The following SSBP2 variants were observed in gnomAD, a reference collection of about 807,000 sequenced individuals.
The protein encoded by SSBP2 is single-stranded DNA-binding protein 2.
SSBP2 carries 17 observed loss-of-function variants against 61.8 expected under a neutral mutation model. The ratio of observed to expected loss-of-function variants is 0.28; its 90% CI spans 0.19 to 0.41. The LOEUF (loss-of-function observed/expected upper bound fraction) is 0.41. Ranked by LOEUF, SSBP2 falls within the 10% of genes least tolerant of loss-of-function variation. The probability of loss-of-function intolerance (pLI) is 1.00; values close to 1 mark genes in which losing one functional copy is unlikely to be tolerated. For synonymous variants in SSBP2, 139 were observed against 141.3 expected (o/e 0.98, Z 0.12); for missense variants, 310 against 458.7 (o/e 0.68, Z 2.96).
intron 4 of SSBP2, among the ~76,000 whole-genome samples, chr5:81,613,890 T>C (rs1421505247): frequency 1.3e-5 from 2 of 152,216 alleles, no homozygotes; most frequent in Non-Finnish European, 1.5e-5. Context: ...ATAAATCCCA[T>C]GTCCTGGGCC....
chr5:81,733,123 A>G (rs1756375613), intron 1 of SSBP2, among the ~76,000 whole-genome samples: 1 of 152,328 alleles, frequency 6.6e-6, no homozygotes, highest in Middle Eastern at 3.4e-3. Flanking sequence ...TCCTAGGGAA[A>G]ATAAATAGGC....
At position 81,643,965 on chromosome 5, in the gene SSBP2, T is replaced by C. The variant is rs188312902; in HGVS notation, c.135+6302A>G. Among the ~76,000 whole-genome samples, 147 of 152,284 alleles carry C rather than the reference T, an allele frequency of 9.7e-4. 1 individual carries two copies. The highest frequency in any genetic ancestry group is 8.8e-3 in the Admixed American group (134 of 15,284). ...TAGATGTTTAACAGGAAGAAAAAGCTGACTATACTTTGAAGCAGATCATCT... is the reference window on the plus strand; with the variant it reads ...TAGATGTTTAACAGGAAGAAAAAGCCGACTATACTTTGAAGCAGATCATCT... On this transcript the variant is annotated intron_variant, in intron 2 of 16. Transcript: ENST00000320672.
chr5:81,669,273 G>GCAATT (rs1441985515), intron 1 of SSBP2, among the ~76,000 whole-genome samples: 2 of 152,124 alleles, frequency 1.3e-5, no homozygotes, highest in Non-Finnish European at 1.5e-5. Flanking sequence ...AGACAGTTTG[G>GCAATT]CAATTTCTTA....
rs556980028 is a variant in SSBP2, at chr5:81,748,334, C to T, written c.62+2647G>A. Among the ~76,000 whole-genome samples the T allele has an allele frequency of 1.3e-5, 2 of 152,220 alleles. 1 individual carries two copies. The stretch of plus-strand genomic sequence containing the variant: ...AGGAGAATTCTTCACCTTTTATAAT[C>T]TGTTACCTTAAAAATTAAGAACAAA... On this transcript the variant is annotated intron_variant, in intron 1 of 16. Transcript: ENST00000320672.
At chr5:81,723,596 G>A (rs891145290) in intron 1 of SSBP2, among the ~76,000 whole-genome samples, 1 of 151,898 alleles carries the variant, frequency 6.6e-6, no homozygotes, top group Non-Finnish European at 1.5e-5. Context: ...GTTTTTTATT[G>A]AAACTATTAA....
intron 9 of SSBP2, among the ~76,000 whole-genome samples, chr5:81,462,169 A>AT (rs1764588372): frequency 6.6e-6 from 1 of 152,150 alleles, no homozygotes; most frequent in Non-Finnish European, 1.5e-5. Flanking sequence ...TGATGAGCTA[A>AT]TAAAAAAAAA....
At chr5:81,489,211 T>C in intron 6 of SSBP2, 39 bp downstream of exon 6, 2 of 1,514,556 alleles carry the variant, frequency 1.3e-6, no homozygotes, top group African/African-American at 1.4e-5. Flanking sequence ...TCAAGATCTT[T>C]GATTCTTACA....
chr5:81,481,411 C>T (rs1765976976), intron 6 of SSBP2, among the ~76,000 whole-genome samples: 1 of 151,916 alleles, frequency 6.6e-6, no homozygotes, highest in Admixed American at 6.6e-5. Flanking sequence ...CACCTGAGGT[C>T]AGGAGTTCGA....
chr5:81,735,816 A>G (rs1756562844), intron 1 of SSBP2, among the ~76,000 whole-genome samples: 1 of 152,206 alleles, frequency 6.6e-6, no homozygotes, highest in African/African-American at 2.4e-5. Context: ...ATTAGATAAA[A>G]TAGAACATCG....
intron 5 of SSBP2, among the ~76,000 whole-genome samples, chr5:81,489,912 G>A (rs898899881): frequency 3.9e-5 from 6 of 151,922 alleles, no homozygotes; most frequent in Admixed American, 2.0e-4. Flanking sequence ...CACCTACTCG[G>A]GAGGCTGAGG....
intron 1 of SSBP2, among the ~76,000 whole-genome samples, chr5:81,653,630 G>A (rs2153721684): frequency 6.6e-6 from 1 of 152,192 alleles, no homozygotes; most frequent in South Asian, 2.1e-4. Flanking sequence ...TCTTTTTAAT[G>A]ATCACCATTC....
intron 4 of SSBP2, among the ~76,000 whole-genome samples, chr5:81,523,752 A>C (rs1769686405): frequency 6.6e-6 from 1 of 152,048 alleles, no homozygotes. Context: ...CTCTAGGTGT[A>C]TATGTGAGCT....
chr5:81,584,630 C>T (rs1278437634), intron 4 of SSBP2, among the ~76,000 whole-genome samples: 1 of 151,942 alleles, frequency 6.6e-6, no homozygotes, highest in Admixed American at 6.6e-5. Context: ...AAAACCAAGC[C>T]CAGCACGGAT....
chr5:81,582,028 C>A (rs1392222222), intron 4 of SSBP2, among the ~76,000 whole-genome samples: 1 of 152,010 alleles, frequency 6.6e-6, no homozygotes, highest in Non-Finnish European at 1.5e-5. Context: ...TTTCAAAAGC[C>A]TTTTTAACAA....
At chr5:81,751,170 C>G (rs571100298), upstream of SSBP2, 33 of 957,910 alleles carry the variant, frequency 3.4e-5, no homozygotes, top group East Asian at 8.3e-4. Flanking sequence ...GCCAAAGCTC[C>G]GCCCCCTTCG....
intron 1 of SSBP2, among the ~76,000 whole-genome samples, chr5:81,671,555 T>G (rs916017188): frequency 1.3e-5 from 2 of 152,086 alleles, no homozygotes; most frequent in African/African-American, 4.8e-5. Context: ...CATCAAATGT[T>G]TGAAACAAAA....
intron 1 of SSBP2, among the ~76,000 whole-genome samples, chr5:81,673,820 T>C (rs1751766715): frequency 6.6e-6 from 1 of 152,192 alleles, no homozygotes; most frequent in South Asian, 2.1e-4. Context: ...TTTAACTCAA[T>C]ACTACATACC....
intron 1 of SSBP2, among the ~76,000 whole-genome samples, chr5:81,745,368 T>C (rs1311402950): frequency 3.3e-5 from 5 of 152,122 alleles, no homozygotes; most frequent in African/African-American, 1.2e-4. Flanking sequence ...AAACCTTGCA[T>C]GAATACATGC....
intron 14 of SSBP2, 79 bp downstream of exon 14, chr5:81,440,479 T>C: frequency 8.0e-7 from 1 of 1,248,050 alleles, no homozygotes; most frequent in African/African-American, 1.5e-5. Context: ...TGGAAGAACT[T>C]TGGAAACTGT....
Sources: gnomAD v4.1 joint callset for allele counts (sites outside exome capture counted in the v4.1 genomes callset) on GRCh38, gnomAD v4.1.1 for gene constraint, MANE v1.5 for transcripts, NCBI Gene and HGNC (gene_info 2026-07-23, HGNC 2026-07-21) for gene names.